The following KCNH5 variants were observed in gnomAD, a reference collection of about 807,000 sequenced individuals.
The protein encoded by KCNH5 is potassium voltage-gated channel subfamily H member 5, also known as voltage-gated delayed rectifier potassium channel KCNH5.
Under a neutral mutation model 96.1 loss-of-function variants are expected in KCNH5, and 46 were observed. The observed-to-expected ratio is 0.48, with a 90% CI of 0.38 to 0.61. The LOEUF (loss-of-function observed/expected upper bound fraction) is 0.61. Among genes scored for constraint, KCNH5 ranks in the 20% least tolerant of loss-of-function variants. The pLI is 0.00. For missense variants in KCNH5, 907 were observed against 1,225.8 expected (o/e 0.74, Z 3.88); for synonymous variants, 439 against 449.8 (o/e 0.98, Z 0.30).
chr14:62,778,383 C>A (rs912682216), intron 10 of KCNH5, among the ~76,000 whole-genome samples: 1 of 152,052 alleles, frequency 6.6e-6, no homozygotes, highest in Non-Finnish European at 1.5e-5. Context: ...GTGGTTCAAA[C>A]CTGTGTTATT....
chr14:62,719,714 C>G (rs1405355113), intron 10 of KCNH5, among the ~76,000 whole-genome samples: 2 of 152,112 alleles, frequency 1.3e-5, no homozygotes, highest in African/African-American at 4.8e-5. Context: ...TGGGATTGGC[C>G]AAGACTTAGC....
chr14:62,702,971 G>A lies in KCNH5; in HGVS notation c.*4537C>T, dbSNP rs554506120. ...GTTTTTATTTGTATAAATTTAAGGG[G>A]TACACATTCAGTTTTGTTACATAGA... On this transcript the variant is annotated 3_prime_UTR_variant, in exon 11 of 11. Coordinates refer to ENST00000322893, the MANE Select transcript of KCNH5 (RefSeq NM_139318.5). The A allele has an allele frequency of 1.6e-3, 248 of 151,868 alleles. No homozygotes were observed. Among genetic ancestry groups the A allele is most frequent in the African/African-American group, 5.8e-3 (239 of 41,512 alleles). 9.4% of individuals were successfully genotyped at this position (151,868 alleles called of 1,614,324 possible). A position where few individuals can be genotyped will look rare whatever the true frequency, so the allele number is the denominator to read the frequency against.
intron 10 of KCNH5, among the ~76,000 whole-genome samples, chr14:62,754,369 A>G (rs1327862004): frequency 6.6e-6 from 1 of 152,116 alleles, no homozygotes; most frequent in East Asian, 1.9e-4. Context: ...CACATAACAA[A>G]AAGGCAGAAG....
At chr14:62,790,237 C>G (rs1886405279) in intron 9 of KCNH5, among the ~76,000 whole-genome samples, 1 of 151,774 alleles carries the variant, frequency 6.6e-6, no homozygotes, top group African/African-American at 2.4e-5. Flanking sequence ...TTTCTGGGCT[C>G]TCTGTTCTGT....
At chr14:62,809,863 C>T (rs747202381) in intron 8 of KCNH5, among the ~76,000 whole-genome samples, 28 of 152,074 alleles carry the variant, frequency 1.8e-4, no homozygotes, top group African/African-American at 5.8e-4. Context: ...TAACCCTGCT[C>T]ATTCCTGTGA....
chr14:62,746,982 G>A (rs942217840), intron 10 of KCNH5, among the ~76,000 whole-genome samples: 3 of 152,230 alleles, frequency 2.0e-5, no homozygotes, highest in African/African-American at 7.2e-5. Context: ...AAATCAAAAT[G>A]TAGTTGCCTT....
At chr14:62,765,687 A>AC (rs1306500644) in intron 10 of KCNH5, among the ~76,000 whole-genome samples, 1 of 152,038 alleles carries the variant, frequency 6.6e-6, no homozygotes, top group African/African-American at 2.4e-5. Context: ...AAAACAAACA[A>AC]CCCCATTAAA....
In KCNH5 at chr14:62,724,387, TACA is replaced by T. The variant is rs377418223; in HGVS notation, c.2020-15935_2020-15933del. 4.2e-4 allele frequency among the ~76,000 whole-genome samples: 64 copies of T among 152,268 alleles called. 1 individual carries two copies. The East Asian group carries it at 7.3e-3, about 17-fold the overall frequency. ...TTTCAGCTCTATCTATCTTTGAATA[TACA>T]ACAACACAAGAGGTCAGTACCTGAA... On this transcript the variant is annotated intron_variant, in intron 10 of 10. Transcript: ENST00000322893.
chr14:62,962,947 T>G (rs985896726), intron 6 of KCNH5, among the ~76,000 whole-genome samples: 1 of 152,158 alleles, frequency 6.6e-6, no homozygotes, highest in Non-Finnish European at 1.5e-5. Context: ...CCATTAATGT[T>G]CATGGCTTGA....
intron 10 of KCNH5, among the ~76,000 whole-genome samples, chr14:62,733,525 A>G (rs1885094335): frequency 6.6e-6 from 1 of 152,150 alleles, no homozygotes; most frequent in African/African-American, 2.4e-5. Context: ...GTATATGGCA[A>G]TTTAGTACAG....
intron 10 of KCNH5, chr14:62,712,767 C>G (rs375931501): frequency 1.3e-6 from 1 of 756,836 alleles, no homozygotes; most frequent in Non-Finnish European, 2.5e-6. Context: ...GCTGGGAAAG[C>G]GGTAGCCTAG....
chr14:62,787,352 G>C (rs1886339808), intron 9 of KCNH5, among the ~76,000 whole-genome samples: 1 of 152,148 alleles, frequency 6.6e-6, no homozygotes, highest in Non-Finnish European at 1.5e-5. Flanking sequence ...TTCTGTAAAG[G>C]CTAAGAGAGG....
intron 1 of KCNH5, among the ~76,000 whole-genome samples, chr14:63,036,080 A>G (rs1891715923): frequency 6.6e-6 from 1 of 152,186 alleles, no homozygotes; most frequent in Admixed American, 6.5e-5. Context: ...ATTACCAGTT[A>G]CCTTGATGAT....
chr14:63,029,518 T>C (rs1249748901), intron 1 of KCNH5, among the ~76,000 whole-genome samples: 1 of 152,112 alleles, frequency 6.6e-6, no homozygotes, highest in Non-Finnish European at 1.5e-5. Flanking sequence ...TTGGTGTGTT[T>C]GTGGCGGGGG....
Position 62,707,514 on chromosome 14 carries a change from G to A in KCNH5, c.2961C>T (p.His987=). 2 of 1,424,284 alleles carry A rather than the reference G, an allele frequency of 1.4e-6. No individual in the cohort carries two copies. Among genetic ancestry groups the A allele is most frequent in the South Asian group, 1.8e-5 (1 of 55,016 alleles). 88.2% of individuals were successfully genotyped at this position (1,424,284 alleles called of 1,614,324 possible). A position where few individuals can be genotyped will look rare whatever the true frequency, so the allele number is the denominator to read the frequency against. The change falls in exon 11 of 11, where the codon CAC becomes CAT. Residue 987 remains histidine (H), a synonymous_variant. Transcript: ENST00000322893. ...ESPESDKDEI[H]F ...AAATATATATGTATATATATTAAAA[G>A]TGGATTTCATCTTTGTCAGATTCAG...
At chr14:62,912,554 C>CA (rs1889190186) in intron 7 of KCNH5, among the ~76,000 whole-genome samples, 1 of 151,754 alleles carries the variant, frequency 6.6e-6, no homozygotes, top group African/African-American at 2.4e-5. Context: ...TTATAGGTGC[C>CA]CGCCACCACA....
intron 4 of KCNH5, among the ~76,000 whole-genome samples, chr14:62,994,794 T>C (rs1001362738): frequency 6.6e-6 from 1 of 152,010 alleles, no homozygotes; most frequent in African/African-American, 2.4e-5. Flanking sequence ...CGTCAGAATC[T>C]TCAACAGTAA....
intron 6 of KCNH5, among the ~76,000 whole-genome samples, chr14:62,963,150 A>G (rs1328970453): frequency 6.6e-6 from 1 of 152,146 alleles, no homozygotes; most frequent in African/African-American, 2.4e-5. Flanking sequence ...GAAGAGAGCA[A>G]ACACATTCAC....
chr14:63,003,602 T>A (rs1280151642), intron 3 of KCNH5, among the ~76,000 whole-genome samples: 105 of 123,788 alleles, frequency 8.5e-4, no homozygotes, highest in African/African-American at 3.3e-3. Context: ...ATTTATATAT[T>A]TATATTTATA....
Sources: allele counts gnomAD v4.1 joint callset (sites outside exome capture counted in the v4.1 genomes callset), GRCh38; gene constraint gnomAD v4.1.1; transcripts MANE v1.5; gene names NCBI Gene and HGNC (gene_info 2026-07-23, HGNC 2026-07-21).